SYNPO2: variants seen among roughly 807,000 people sequenced by gnomAD.
The protein encoded by SYNPO2 is synaptopodin-2.
Under a neutral mutation model 85.0 loss-of-function variants are expected in SYNPO2, and 56 were observed. The ratio of observed to expected loss-of-function variants is 0.66; its 90% confidence interval spans 0.53 to 0.82. The LOEUF (loss-of-function observed/expected upper bound fraction) is 0.82, where lower values mean the gene tolerates loss of function less well. Among genes scored for constraint, SYNPO2 ranks in the 40% least tolerant of loss-of-function variants. The pLI, the probability that SYNPO2 is intolerant of heterozygous loss-of-function variation, is 0.00. For synonymous variants in SYNPO2, 602 were observed against 591.1 expected (o/e 1.02, Z -0.27); for missense variants, 1,575 against 1,534.2 (o/e 1.03, Z -0.44).
intron 1 of SYNPO2, among the ~76,000 whole-genome samples, chr4:118,925,745 A>G (rs185577615): frequency 6.6e-6 from 1 of 152,288 alleles, no homozygotes; most frequent in Admixed American, 6.5e-5. Context: ...AATGGGAACT[A>G]TTTTAAGGAT....
intron 1 of SYNPO2, among the ~76,000 whole-genome samples, chr4:119,008,899 TA>T (rs1238923150): frequency 6.6e-6 from 1 of 152,160 alleles, no homozygotes; most frequent in Non-Finnish European, 1.5e-5. Context: ...TCGTTTTTTC[TA>T]TAAAGCAAGC....
Position 119,030,375 on chromosome 4 carries a change from A to G in SYNPO2, c.1600A>G (p.Thr534Ala). The G allele has an allele frequency of 6.2e-7, 1 of 1,614,130 alleles. No individual in the cohort carries two copies. The highest frequency in any genetic ancestry group is 8.5e-7 in the Non-Finnish European group (1 of 1,180,022). Residue 534 changes from threonine to alanine, a missense_variant, in exon 4 of 5, where the codon ACT becomes GCT. Coordinates refer to ENST00000307142, the MANE Select transcript of SYNPO2 (RefSeq NM_133477.3). ...CCAGACCGATGGCCTGAGAACCACG[A>G]CTTCTTACCAAAGAAAGGAGGAAGA... ...AAQTDGLRTT[T>A]SYQRKEEESV...
intron 1 of SYNPO2, among the ~76,000 whole-genome samples, chr4:118,880,870 A>T (rs1052256973): frequency 7.2e-5 from 11 of 152,192 alleles, no homozygotes; most frequent in Non-Finnish European, 1.2e-4. Flanking sequence ...ATTCAGTATT[A>T]CTTAAAATGT....
At chr4:118,890,733 C>CTCTCTCTCTCTCTCTCTCTCTGTGTG (rs749295331) in intron 1 of SYNPO2, among the ~76,000 whole-genome samples, 1 of 126,150 alleles carries the variant, frequency 7.9e-6, no homozygotes, top group Non-Finnish European at 1.7e-5. Flanking sequence ...CTCTCTCTCT[C>CTCTCTCTCTCTCTCTCTCTCTGTGTG]TGTGTGTGTG....
chr4:119,035,690 A>T lies in SYNPO2; in HGVS notation c.3252+3663A>T, dbSNP rs1373524633. 7.1e-6 allele frequency: 7 copies of T among 985,404 alleles called. No individual in the cohort carries two copies. In the East Asian group the frequency reaches 7.9e-4, roughly 112 times the overall value. The allele number at this position is 985,404 out of a possible 1,614,324, so 61.0% of individuals were successfully genotyped here. ...TCTGAGCTACAAATAGTTCTTTAAA[A>T]TAAGCCCAGGTTATTTAGCTATTCT... On this transcript the variant is annotated intron_variant, in intron 4 of 4. Coordinates refer to ENST00000307142, the MANE Select transcript of SYNPO2 (RefSeq NM_133477.3).
chr4:118,916,055 C>T (rs1185122913), intron 1 of SYNPO2, among the ~76,000 whole-genome samples: 1 of 151,848 alleles, frequency 6.6e-6, no homozygotes, highest in Non-Finnish European at 1.5e-5. Flanking sequence ...TTTCATATTA[C>T]GCTTTGTTCA....
At position 119,031,853 on chromosome 4, in the gene SYNPO2, G is replaced by C. The variant is rs147918808; in HGVS notation, c.3078G>C (p.Ser1026=). ...PTNVQASSVY[S]VPAYTSPPSF... is the part of the protein sequence containing the mutation. ...ATGTGCAGGCTTCGTCAGTGTACTC[G>C]GTACCAGCCTATACCTCTCCTCCTT... is the stretch of plus-strand genomic sequence containing the variant. Residue 1026 remains serine (S), a synonymous_variant, in exon 4 of 5, where the codon TCG becomes TCC. Coordinates refer to ENST00000307142, the MANE Select transcript of SYNPO2 (RefSeq NM_133477.3). The C allele has an allele frequency of 1.9e-5, 31 of 1,614,036 alleles. No homozygotes were observed. Among genetic ancestry groups the C allele is most frequent in the East Asian group, 4.5e-5 (2 of 44,894 alleles).
At chr4:118,865,350 GA>G (rs1227219270) in intron 1 of SYNPO2, among the ~76,000 whole-genome samples, 1 of 152,246 alleles carries the variant, frequency 6.6e-6, no homozygotes, top group Non-Finnish European at 1.5e-5. Flanking sequence ...TGGCAAAGCA[GA>G]AAGGCGATTT....
At chr4:119,010,264 A>G (rs1291799175) in intron 1 of SYNPO2, among the ~76,000 whole-genome samples, 1 of 152,228 alleles carries the variant, frequency 6.6e-6, no homozygotes, top group Non-Finnish European at 1.5e-5. Context: ...TGATAAAGAC[A>G]TACCCGAGAC....
intron 1 of SYNPO2, among the ~76,000 whole-genome samples, chr4:118,922,008 G>A (rs1733555492): frequency 6.6e-6 from 1 of 152,118 alleles, no homozygotes; most frequent in African/African-American, 2.4e-5. Flanking sequence ...TTATAGGACT[G>A]TTTTCCTCAT....
chr4:118,927,370 A>G (rs1733744178), intron 1 of SYNPO2, among the ~76,000 whole-genome samples: 1 of 152,164 alleles, frequency 6.6e-6, no homozygotes, highest in Admixed American at 6.6e-5. Context: ...TGTTAGGATC[A>G]AAAAGGGCCC....
chr4:119,003,114 T>C (rs1736885408), intron 1 of SYNPO2, among the ~76,000 whole-genome samples: 1 of 152,166 alleles, frequency 6.6e-6, no homozygotes, highest in South Asian at 2.1e-4. Context: ...GTCACACTGC[T>C]ATAAAGAAAT....
rs549017135 is a variant in SYNPO2, at chr4:119,037,396, C to T, written c.3252+5369C>T. The T allele has an allele frequency of 2.2e-4, 265 of 1,211,330 alleles. No homozygotes were observed. The African/African-American group carries it at 3.6e-3, about 17-fold the overall frequency. 75.0% of individuals were successfully genotyped at this position (1,211,330 alleles called of 1,614,324 possible). A position where few individuals can be genotyped will look rare whatever the true frequency, so the allele number is the denominator to read the frequency against. On this transcript the variant is annotated intron_variant, in intron 4 of 4. Coordinates refer to ENST00000307142, the MANE Select transcript of SYNPO2 (RefSeq NM_133477.3). ...TGGCCCTGAGTTGAAAAAAAAAATT[C>T]ACATTCTAAGAATAAACAGAAAAAT...
intron 4 of SYNPO2, chr4:119,034,331 A>G: frequency 1.0e-6 from 1 of 980,104 alleles, no homozygotes; most frequent in Non-Finnish European, 1.2e-6. Context: ...AAAGTATCCT[A>G]GGATGGTAAT....
At chr4:118,903,690 A>G (rs1732832437) in intron 1 of SYNPO2, among the ~76,000 whole-genome samples, 1 of 150,780 alleles carries the variant, frequency 6.6e-6, no homozygotes, top group African/African-American at 2.4e-5. Flanking sequence ...AAATAAAATC[A>G]AATGATTGTC....
intron 1 of SYNPO2, among the ~76,000 whole-genome samples, chr4:118,868,131 T>A (rs1047445405): frequency 2.9e-5 from 3 of 103,542 alleles, no homozygotes; most frequent in African/African-American, 1.1e-4. Context: ...TGTGCAATGG[T>A]TCTGTTGAAT....
At chr4:119,012,051 T>C (rs1737325809) in intron 1 of SYNPO2, among the ~76,000 whole-genome samples, 2 of 151,612 alleles carry the variant, frequency 1.3e-5, no homozygotes, top group East Asian at 3.9e-4. Flanking sequence ...GCCTTCTGAG[T>C]AGCTAGGATT....
intron 1 of SYNPO2, among the ~76,000 whole-genome samples, chr4:118,948,786 T>C (rs1413310601): frequency 6.6e-6 from 1 of 152,126 alleles, no homozygotes; most frequent in Admixed American, 6.5e-5. Flanking sequence ...GTTCCCATGA[T>C]CCAGACACCT....
At chr4:118,916,729 C>CTTTTTTTTTT (rs199715189) in intron 1 of SYNPO2, among the ~76,000 whole-genome samples, 5 of 117,040 alleles carry the variant, frequency 4.3e-5, no homozygotes, top group Non-Finnish European at 6.7e-5. Flanking sequence ...ATTTTTCTTT[C>CTTTTTTTTTT]TTTTTTTTTT....
Sources: gnomAD v4.1 joint callset for allele counts (sites outside exome capture counted in the v4.1 genomes callset) on GRCh38, gnomAD v4.1.1 for gene constraint, MANE v1.5 for transcripts, NCBI Gene and HGNC (gene_info 2026-07-23, HGNC 2026-07-21) for gene names.